PLCH1: variants seen among roughly 807,000 people sequenced by gnomAD.
PLCH1 encodes the protein phospholipase C eta 1.
A neutral mutation model predicts 126.7 loss-of-function variants in PLCH1; 60 were observed. The observed-to-expected ratio is 0.47, with a 90% CI of 0.38 to 0.59. The LOEUF (loss-of-function observed/expected upper bound fraction) is 0.59, where lower values mean the gene tolerates loss of function less well. Among genes scored for constraint, PLCH1 ranks in the 20% least tolerant of loss-of-function variants. The pLI is 0.00. For missense variants in PLCH1, 1,723 were observed against 2,040.0 expected, an observed-to-expected ratio of 0.84 and a Z score of 2.99; for synonymous variants, 719 against 734.9, an observed-to-expected ratio of 0.98 and a Z score of 0.35.
At chr3:155,496,253 T>A (rs1433214097) in intron 15 of PLCH1, among the ~76,000 whole-genome samples, 1 of 152,208 alleles carries the variant, frequency 6.6e-6, no homozygotes, top group Non-Finnish European at 1.5e-5. Flanking sequence ...GATTATGTTT[T>A]CCAAGCCATT....
chr3:155,590,611 G>T (rs1416047782), intron 4 of PLCH1, among the ~76,000 whole-genome samples: 1 of 149,748 alleles, frequency 6.7e-6, no homozygotes, highest in South Asian at 2.1e-4. Context: ...TTAGCCTGGC[G>T]TGGTGGCGGG....
chr3:155,523,731 C>T (rs1305061229), intron 11 of PLCH1, among the ~76,000 whole-genome samples, 166 bp downstream of exon 11: 1 of 152,214 alleles, frequency 6.6e-6, no homozygotes, highest in Non-Finnish European at 1.5e-5. Context: ...ATTCATTCAA[C>T]AAACATTTGA....
At chr3:155,729,775 T>C (rs967825404) in intron 1 of PLCH1, among the ~76,000 whole-genome samples, 3 of 151,954 alleles carry the variant, frequency 2.0e-5, no homozygotes, top group East Asian at 1.9e-4. Context: ...AAAATTCAAA[T>C]GTTATCTGGG....
At chr3:155,690,553 T>A (rs1417714682) in intron 2 of PLCH1, among the ~76,000 whole-genome samples, 1 of 152,184 alleles carries the variant, frequency 6.6e-6, no homozygotes, top group Non-Finnish European at 1.5e-5. Context: ...GAGATTCAAA[T>A]TTTTAAGCCC....
chr3:155,467,312 G>A (rs997828212), intron 21 of PLCH1, among the ~76,000 whole-genome samples: 6 of 151,976 alleles, frequency 3.9e-5, no homozygotes, highest in East Asian at 1.9e-4. Context: ...GGTGGCTCAC[G>A]CCTGTAATCC....
intron 2 of PLCH1, among the ~76,000 whole-genome samples, chr3:155,699,068 T>G (rs1325285331): frequency 2.6e-5 from 4 of 151,770 alleles, no homozygotes; most frequent in Admixed American, 6.6e-5. Flanking sequence ...ATGATAATAT[T>G]TTTAATCTTT....
At chr3:155,658,132 G>T in intron 2 of PLCH1, 1 of 218,012 alleles carries the variant, frequency 4.6e-6, no homozygotes, top group Non-Finnish European at 1.0e-5. Flanking sequence ...TACCGAAGAT[G>T]TGCCTCGAAA....
chr3:155,476,758 C>T (rs548157030), downstream of PLCH1, among the ~76,000 whole-genome samples: 12 of 151,852 alleles, frequency 7.9e-5, no homozygotes, highest in South Asian at 8.3e-4. Flanking sequence ...AAAAGGACAC[C>T]GAACAATGAA....
At chr3:155,723,081 T>G (rs574121290) in intron 1 of PLCH1, among the ~76,000 whole-genome samples, 1 of 152,356 alleles carries the variant, frequency 6.6e-6, no homozygotes, top group South Asian at 2.1e-4. Context: ...TTTATCCATC[T>G]TCTCTAGGTT....
intron 9 of PLCH1, among the ~76,000 whole-genome samples, chr3:155,552,435 G>A (rs575274200): frequency 5.4e-4 from 82 of 152,284 alleles, no homozygotes; most frequent in African/African-American, 1.9e-3. Flanking sequence ...TGGAGAAAAA[G>A]AAGATTTAAA....
At chr3:155,554,873 A>G (rs1188270728) in intron 8 of PLCH1, among the ~76,000 whole-genome samples, 3 of 152,234 alleles carry the variant, frequency 2.0e-5, no homozygotes, top group African/African-American at 7.2e-5. Context: ...AGCTTGTAAC[A>G]CTGCATGGCA....
intron 6 of PLCH1, among the ~76,000 whole-genome samples, chr3:155,576,871 C>T (rs1730031875): frequency 6.6e-6 from 1 of 152,084 alleles, no homozygotes; most frequent in Non-Finnish European, 1.5e-5. Flanking sequence ...AAATACAGAG[C>T]TATTTTCTTA....
intron 2 of PLCH1, among the ~76,000 whole-genome samples, chr3:155,617,465 T>C (rs1735933987): frequency 9.1e-6 from 1 of 110,280 alleles, no homozygotes; most frequent in Non-Finnish European, 1.7e-5. Context: ...GCTGATCCTT[T>C]GGTTTTTCAG....
At chr3:155,669,441 G>A (rs893155256) in intron 2 of PLCH1, among the ~76,000 whole-genome samples, 2 of 152,056 alleles carry the variant, frequency 1.3e-5, no homozygotes, top group African/African-American at 4.8e-5. Flanking sequence ...AGCCAGACAT[G>A]GTGGCATGCA....
intron 22 of PLCH1, among the ~76,000 whole-genome samples, chr3:155,485,003 C>T (rs1390444775): frequency 6.6e-6 from 1 of 152,210 alleles, no homozygotes; most frequent in Non-Finnish European, 1.5e-5. Flanking sequence ...AGTAATACAA[C>T]TATATTCACC....
intron 13 of PLCH1, among the ~76,000 whole-genome samples, chr3:155,503,737 C>T (rs990011002): frequency 6.6e-6 from 1 of 152,120 alleles, no homozygotes; most frequent in African/African-American, 2.4e-5. Context: ...AGTGTTTGGC[C>T]ATGTTGGCCA....
At chr3:155,717,911 C>G (rs1216782630) in intron 1 of PLCH1, among the ~76,000 whole-genome samples, 3 of 152,212 alleles carry the variant, frequency 2.0e-5, no homozygotes, top group Non-Finnish European at 4.4e-5. Flanking sequence ...TTCTCTACCA[C>G]AAGGCCAGGC....
At chr3:155,591,849 C>A (rs745658535) in intron 4 of PLCH1, among the ~76,000 whole-genome samples, 6 of 152,072 alleles carry the variant, frequency 3.9e-5, no homozygotes, top group African/African-American at 9.7e-5. Context: ...GCACTACAGG[C>A]ATGTGTCACC....
chr3:155,547,478 G>T (rs1238119451), intron 10 of PLCH1, among the ~76,000 whole-genome samples: 2 of 141,612 alleles, frequency 1.4e-5, no homozygotes, highest in African/African-American at 5.1e-5. Flanking sequence ...GGAAGTCAGT[G>T]TGGCGATTCC....
Sources: allele counts gnomAD v4.1 joint callset (sites outside exome capture counted in the v4.1 genomes callset), GRCh38; gene constraint gnomAD v4.1.1; transcripts MANE v1.5; gene names NCBI Gene and HGNC (gene_info 2026-07-23, HGNC 2026-07-21).